Variants in ZNF226 observed in about 807,000 individuals in gnomAD.
ZNF226 encodes Kruppel-associated box protein.
In ZNF226, 6 loss-of-function variants were observed where a neutral mutation model predicts 11.4. The observed-to-expected ratio is 0.53, with a 90% confidence interval of 0.29 to 1.04. The LOEUF is 1.04. ZNF226 is among the 50% of genes least tolerant of loss of function. ZNF226 has a pLI of 0.08. For missense variants in ZNF226, 1,058 were observed against 956.5 expected (o/e 1.11, Z -1.40); for synonymous variants, 350 against 322.8 (o/e 1.08, Z -0.90).
rs1001211326 is a variant in ZNF226, at chr19:44,175,748, A to C, written c.486A>C (p.Pro162=). The C allele has an allele frequency of 2.5e-6, 4 of 1,613,118 alleles. No individual in the cohort carries two copies. In the African/African-American group the frequency reaches 5.3e-5, roughly 22 times the overall value. Residue 162 remains proline, a synonymous_variant, in exon 6 of 6, where the codon CCA becomes CCC. Transcript: ENST00000337433. The part of the protein sequence containing the change: ...KADGPNNTGN[P]EFPILRTQDS... Reference sequence around the variant, plus strand: ...ATGGTCCCAATAATACTGGGAATCCAGAGTTTCCTATCTTGAGAACCCAGG... The same window carrying C: ...ATGGTCCCAATAATACTGGGAATCCCGAGTTTCCTATCTTGAGAACCCAGG...
Position 44,175,820 on chromosome 19 carries a change from A to G in ZNF226, c.558A>G (p.Arg186=). 3 of 1,613,730 alleles carry G rather than the reference A, an allele frequency of 1.9e-6. No homozygotes were observed. The highest frequency in any genetic ancestry group is 2.5e-6 in the Non-Finnish European group (3 of 1,179,816). Residue 186 remains arginine (R), a synonymous_variant, in exon 6 of 6, where the codon AGA becomes AGG. Coordinates refer to ENST00000337433, the MANE Select transcript of ZNF226 (RefSeq NM_001032373.2). ...TGACTGAGTCACAGAGATTGAACAG[A>G]GATCAGCAAATTTCCATAAAAAATA... The part of the protein sequence containing the change: ...TFLTESQRLN[R]DQQISIKNKL...
At chr19:44,193,770 C>T in the ZNF226 span, among the ~76,000 whole-genome samples, 8 of 152,206 alleles carry the variant, frequency 5.3e-5, no homozygotes, top group Non-Finnish European at 1.0e-4. Context: ...TCTCTTAATT[C>T]AGCTCTAAGG....
At chr19:44,167,481 C>T (rs1352272127) in intron 2 of ZNF226, among the ~76,000 whole-genome samples, 1 of 151,724 alleles carries the variant, frequency 6.6e-6, no homozygotes, top group Non-Finnish European at 1.5e-5. Flanking sequence ...ACCACACCGG[C>T]TAATTTTTTT....
the ZNF226 span, among the ~76,000 whole-genome samples, chr19:44,197,581 C>G: frequency 1.1e-4 from 17 of 152,160 alleles, no homozygotes; most frequent in Middle Eastern, 3.4e-3. Flanking sequence ...ATAGAGTTGT[C>G]TCATTGAGGG....
At chr19:44,196,907 T>C in the ZNF226 span, among the ~76,000 whole-genome samples, 2 of 152,212 alleles carry the variant, frequency 1.3e-5, no homozygotes, top group East Asian at 3.8e-4. Flanking sequence ...TCCTAGTGAT[T>C]CTGCTTCTCT....
In ZNF226 at chr19:44,177,527, T is replaced by C. The variant is rs201959279; in HGVS notation, c.2265T>C (p.Tyr755=). 579 of 1,614,132 alleles carry C rather than the reference T, an allele frequency of 3.6e-4. 7 individuals carry two copies. In the South Asian group the frequency reaches 4.7e-3, roughly 13 times the overall value. ...HQRVHTGEKP[Y]KCEICGKSFS... ...GAGTTCACACTGGGGAGAAACCTTA[T>C]AAATGTGAGATATGTGGTAAGAGCT... Residue 755 remains tyrosine (Y), a synonymous_variant, in exon 6 of 6, where the codon TAT becomes TAC. Coordinates refer to ENST00000337433, the MANE Select transcript of ZNF226 (RefSeq NM_001032373.2).
chr19:44,170,328 G>T (rs1054467444), intron 3 of ZNF226, among the ~76,000 whole-genome samples: 17 of 152,180 alleles, frequency 1.1e-4, no homozygotes, highest in African/African-American at 4.1e-4. Context: ...TGGGCACAGT[G>T]GCTCACACCT....
At chr19:44,175,395 C>T (rs966350427) in intron 5 of ZNF226, 103 bp from the exon 6 acceptor site, 5 of 1,453,548 alleles carry the variant, frequency 3.4e-6, no homozygotes, top group Admixed American at 3.0e-5. Context: ...ATGAGCAGAA[C>T]TATCCCGAGG....
At chr19:44,169,388 T>A (rs1457042034) in intron 2 of ZNF226, among the ~76,000 whole-genome samples, 1 of 152,192 alleles carries the variant, frequency 6.6e-6, no homozygotes, top group African/African-American at 2.4e-5. Context: ...TCGGTTTTAT[T>A]AGTTCAGTGT....
the ZNF226 span, among the ~76,000 whole-genome samples, chr19:44,199,167 GTGTTGTTGTTGC>G: frequency 6.6e-6 from 1 of 151,894 alleles, no homozygotes; most frequent in African/African-American, 2.4e-5. Context: ...CTTTGTTGTT[GTGTTGTTGTTGC>G]TGTTGTTGTT....
chr19:44,197,260 G>GCC, the ZNF226 span, among the ~76,000 whole-genome samples: 1 of 152,122 alleles, frequency 6.6e-6, no homozygotes, highest in African/African-American at 2.4e-5. Context: ...TCTGTGTCAT[G>GCC]GAGAATACAT....
At position 44,175,806 on chromosome 19, in the gene ZNF226, C is replaced by T. The variant is rs749137465; in HGVS notation, c.544C>T (p.Gln182Ter). ...GAGGAAAACATTCCTGACTGAGTCA[C>T]AGAGATTGAACAGAGATCAGCAAAT... ...SWRKTFLTES[Q>*]RLNRDQQISI... is the part of the protein sequence containing the mutation. The change falls in exon 6 of 6, where the codon CAG (glutamine) becomes TAG (stop). Residue 182 changes from glutamine (Q) to a stop codon, truncating the protein, a stop_gained. Coordinates refer to ENST00000337433, the MANE Select transcript of ZNF226 (RefSeq NM_001032373.2). LOFTEE classifies it low-confidence loss of function (END_TRUNC). 6.2e-7 allele frequency: 1 copy of T among 1,613,680 alleles called. No individual in the cohort carries two copies. Among genetic ancestry groups the T allele is most frequent in the Non-Finnish European group, 8.5e-7 (1 of 1,179,806 alleles).
At chr19:44,198,405 T>C in the ZNF226 span, among the ~76,000 whole-genome samples, 5 of 152,218 alleles carry the variant, frequency 3.3e-5, no homozygotes, top group Non-Finnish European at 7.3e-5. Context: ...CAACATTGAA[T>C]TGTCCAGTAT....
intron 3 of ZNF226, 85 bp from the exon 4 acceptor site, chr19:44,172,003 A>G (rs993324460): frequency 2.2e-5 from 35 of 1,558,050 alleles, no homozygotes; most frequent in Non-Finnish European, 3.0e-5. Context: ...CTGGGCATCC[A>G]GAACAACTTT....
chr19:44,166,591 C>G (rs1210989483), intron 2 of ZNF226: 1 of 152,106 alleles, frequency 6.6e-6, no homozygotes, highest in African/African-American at 2.4e-5. Context: ...TCATGGAAAA[C>G]ACAGAAATAC....
the ZNF226 span, among the ~76,000 whole-genome samples, chr19:44,193,321 G>A: frequency 3.9e-5 from 6 of 151,946 alleles, no homozygotes; most frequent in African/African-American, 7.2e-5. Flanking sequence ...CTGTAAAATT[G>A]TAGTCAAGAA....
At chr19:44,175,035 C>T (rs1332591321) in intron 5 of ZNF226, 2 of 1,611,334 alleles carry the variant, frequency 1.2e-6, no homozygotes, top group East Asian at 2.2e-5. Context: ...CAAACTTAAA[C>T]TTGGATTTGA....
the ZNF226 span, among the ~76,000 whole-genome samples, chr19:44,194,226 C>G: frequency 6.6e-6 from 1 of 152,138 alleles, no homozygotes; most frequent in Non-Finnish European, 1.5e-5. Context: ...TGGAGTCCGT[C>G]ATAGATGGCA....
chr19:44,187,316 GT>G, the ZNF226 span, among the ~76,000 whole-genome samples: 1 of 151,684 alleles, frequency 6.6e-6, no homozygotes, highest in Non-Finnish European at 1.5e-5. This position sits in a 1 kb window ranked among gnomAD's most constrained non-coding sequence, Gnocchi z 4.0. Context: ...CTGTTCAGTT[GT>G]TTTCTTAAAA....
Sources: allele counts gnomAD v4.1 joint callset (sites outside exome capture counted in the v4.1 genomes callset), GRCh38; gene constraint gnomAD v4.1.1; non-coding constraint Gnocchi (gnomAD v3.1); transcripts MANE v1.5; gene names NCBI Gene and HGNC (gene_info 2026-07-23, HGNC 2026-07-21).